The following RAB1A variants were observed in gnomAD, a reference collection of about 807,000 sequenced individuals.
The protein encoded by RAB1A is RAB1A, member RAS oncogene family, also known as ras-related protein Rab-1A.
RAB1A carries 2 observed loss-of-function variants against 26.0 expected under a neutral mutation model. The ratio of observed to expected loss-of-function variants is 0.08; its 90% CI spans 0.03 to 0.24. The LOEUF (loss-of-function observed/expected upper bound fraction) is 0.24. Among genes scored for constraint, RAB1A ranks in the 10% least tolerant of loss-of-function variants. The probability of loss-of-function intolerance (pLI) is 1.00; values close to 1 mark genes in which losing one functional copy is unlikely to be tolerated. For synonymous variants in RAB1A, 84 were observed against 84.9 expected, an observed-to-expected ratio of 0.99 and a Z score of 0.06; for missense variants, 100 against 247.0, an observed-to-expected ratio of 0.40 and a Z score of 3.99.
At chr2:65,090,690 A>T (rs976289281) in intron 4 of RAB1A, among the ~76,000 whole-genome samples, 1 of 152,202 alleles carries the variant, frequency 6.6e-6, no homozygotes, top group African/African-American at 2.4e-5. Flanking sequence ...GATTCCCTAC[A>T]AACTCTTGCC....
At chr2:65,095,543 T>TA (rs1483502343) in intron 3 of RAB1A, among the ~76,000 whole-genome samples, 1 of 139,216 alleles carries the variant, frequency 7.2e-6, no homozygotes, top group Non-Finnish European at 1.5e-5. Context: ...TTGGTAGAGA[T>TA]AGAGTCTCTA....
intron 1 of RAB1A, among the ~76,000 whole-genome samples, chr2:65,109,160 T>A (rs141169380): frequency 1.3e-5 from 2 of 152,332 alleles, no homozygotes; most frequent in African/African-American, 4.8e-5. Context: ...GTTCTGAGTT[T>A]GCTTTAAAAC....
chr2:65,126,279 A>G (rs965356946), intron 1 of RAB1A, among the ~76,000 whole-genome samples: 3 of 151,714 alleles, frequency 2.0e-5, no homozygotes, highest in Admixed American at 6.6e-5. Context: ...GCGCCACTGC[A>G]CTCCAGCCTG....
chr2:65,102,627 T>TAAA (rs35458725), intron 2 of RAB1A, among the ~76,000 whole-genome samples: 13 of 145,148 alleles, frequency 9.0e-5, no homozygotes, highest in African/African-American at 3.3e-4. Context: ...TCTTTCAAGT[T>TAAA]AAAAAAAAAA....
At chr2:65,123,204 T>C (rs1670014121) in intron 1 of RAB1A, among the ~76,000 whole-genome samples, 1 of 145,492 alleles carries the variant, frequency 6.9e-6, no homozygotes, top group African/African-American at 2.5e-5. Flanking sequence ...AGAGTCTCGC[T>C]CTGTCGCCCA....
chr2:65,095,369 AC>A (rs1259138388), intron 3 of RAB1A, among the ~76,000 whole-genome samples: 1 of 151,896 alleles, frequency 6.6e-6, no homozygotes, highest in Admixed American at 6.6e-5. Context: ...TGTTTTTGAG[AC>A]AGGGTCTCTC....
At position 65,101,513 on chromosome 2, in the gene RAB1A, C is replaced by G. The variant is rs529705922; in HGVS notation, c.96+3221G>C. Among the ~76,000 whole-genome samples the G allele has an allele frequency of 1.2e-3, 181 of 152,224 alleles. 3 individuals are homozygous for G. Among genetic ancestry groups the G allele is most frequent in the African/African-American group, 4.2e-3 (176 of 41,528 alleles). ...CCAGGTATTATTGGAAAACCTTTGA[C>G]TTCAAGCAATGGACATCCCAGAGAG... On this transcript the variant is annotated intron_variant, in intron 2 of 5. Transcript: ENST00000409784.
Position 65,113,224 on chromosome 2 carries a change from ATTTG to A in RAB1A, c.24-8422_24-8419del, listed in dbSNP as rs899763408. Among the ~76,000 whole-genome samples, 9 of 152,302 alleles carry A rather than the reference ATTTG, an allele frequency of 5.9e-5. No individual in the cohort carries two copies. In the South Asian group the frequency reaches 1.2e-3, roughly 21 times the overall value. On this transcript the variant is annotated intron_variant, in intron 1 of 5. Coordinates refer to ENST00000409784, the MANE Select transcript of RAB1A (RefSeq NM_004161.5). ...TTCAGTTTAGAGTTCAATTTCCATT[ATTTG>A]TTTGCGTGCAAAAATGGCATCGGTA...
chr2:65,089,860 G>C (rs1669130376), intron 4 of RAB1A, among the ~76,000 whole-genome samples: 2 of 151,980 alleles, frequency 1.3e-5, no homozygotes, highest in South Asian at 2.1e-4. Flanking sequence ...GGGCCCCCAC[G>C]CCTGGCTAAT....
intron 1 of RAB1A, among the ~76,000 whole-genome samples, chr2:65,119,680 CTTAAA>C (rs954139890): frequency 1.3e-4 from 20 of 151,042 alleles, no homozygotes; most frequent in Middle Eastern, 3.4e-3. Flanking sequence ...TGATTCACTG[CTTAAA>C]TTAAATTAGA....
chr2:65,120,720 G>C (rs538392258), intron 1 of RAB1A, among the ~76,000 whole-genome samples: 1 of 152,064 alleles, frequency 6.6e-6, no homozygotes, highest in Admixed American at 6.6e-5. Context: ...CGTGAGTATG[G>C]CTACACGACC....
At chr2:65,102,661 T>A (rs1669458578) in intron 2 of RAB1A, among the ~76,000 whole-genome samples, 1 of 150,876 alleles carries the variant, frequency 6.6e-6, no homozygotes, top group South Asian at 2.1e-4. Flanking sequence ...GGTGCAGTAG[T>A]TCACGCCTGT....
chr2:65,104,609 T>C (rs1052881729), intron 2 of RAB1A, 125 bp downstream of exon 2: 4 of 740,630 alleles, frequency 5.4e-6, no homozygotes, highest in Non-Finnish European at 4.4e-6. Context: ...TTTGGAGTCT[T>C]TAAATATATA....
chr2:65,101,252 A>C (rs978968322), intron 2 of RAB1A, among the ~76,000 whole-genome samples: 3 of 152,084 alleles, frequency 2.0e-5, no homozygotes, highest in Non-Finnish European at 4.4e-5. Flanking sequence ...AGCCTCAGTT[A>C]TCTCTCTCTG....
At chr2:65,100,806 T>C (rs1330111620) in intron 2 of RAB1A, among the ~76,000 whole-genome samples, 2 of 143,012 alleles carry the variant, frequency 1.4e-5, no homozygotes, top group East Asian at 2.1e-4. Flanking sequence ...ATGAATGCAA[T>C]AAATATTCAT....
At chr2:65,092,012 C>T (rs1669182708) in intron 3 of RAB1A, among the ~76,000 whole-genome samples, 1 of 152,178 alleles carries the variant, frequency 6.6e-6, no homozygotes, top group Admixed American at 6.5e-5. Flanking sequence ...CGGTGGCTCA[C>T]GCCTGTAATC....
chr2:65,102,524 T>A (rs1003710071), intron 2 of RAB1A, among the ~76,000 whole-genome samples: 3 of 152,156 alleles, frequency 2.0e-5, no homozygotes, highest in Admixed American at 6.5e-5. Flanking sequence ...AGCCAACAAA[T>A]GCTTGCAGCT....
In RAB1A at chr2:65,088,689, T is replaced by G; in HGVS notation, c.422A>C (p.Glu141Ala). 6.2e-7 allele frequency: 1 copy of G among 1,600,294 alleles called. No homozygotes were observed. The highest frequency in any genetic ancestry group is 8.5e-7 in the Non-Finnish European group (1 of 1,172,426). Residue 141 changes from glutamate (E) to alanine (A), a missense_variant and splice_region_variant, in exon 6 of 6, where the codon GAA becomes GCA. By Grantham distance (107) the Glu-to-Ala change is moderately radical (BLOSUM62 -1). This residue lies in a region of RAB1A where 67 missense variants were observed against 122.9 expected (regional missense o/e 0.55). Transcript: ENST00000409784. ...CGGAATTCCAAGGGAATCAGCAAATTCCTAAGAGAATAATGAGGCACAATT... is the reference window on the plus strand; with the variant it reads ...CGGAATTCCAAGGGAATCAGCAAATGCCTAAGAGAATAATGAGGCACAATT... ...KKVVDYTTAK[E>A]FADSLGIPFL...
chr2:65,097,635 TA>T (rs1036017645), intron 3 of RAB1A, among the ~76,000 whole-genome samples: 1 of 152,098 alleles, frequency 6.6e-6, no homozygotes, highest in Non-Finnish European at 1.5e-5. Flanking sequence ...CTTAGCACAG[TA>T]AAAGACAAAC....
Sources: gnomAD v4.1 joint callset for allele counts (sites outside exome capture counted in the v4.1 genomes callset) on GRCh38, gnomAD v4.1.1 for gene constraint, gnomAD v4.1.1 regional missense constraint, MANE v1.5 for transcripts, NCBI Gene and HGNC (gene_info 2026-07-23, HGNC 2026-07-21) for gene names.